Variants in ZNF69 observed in about 807,000 individuals in gnomAD.
ZNF69 encodes ZNF3.
A neutral mutation model predicts 50.9 loss-of-function variants in ZNF69; 47 were observed. That is an observed-to-expected ratio of 0.92 (90% CI 0.73 to 1.18). ZNF69 has a LOEUF of 1.18. Among genes scored for constraint, ZNF69 ranks in the 50% most tolerant of loss-of-function variants. The pLI, the probability that ZNF69 is intolerant of heterozygous loss-of-function variation, is 0.00. For synonymous variants in ZNF69, 216 were observed against 223.1 expected (o/e 0.97, Z 0.29); for missense variants, 717 against 675.1 (o/e 1.06, Z -0.69).
At chr19:11,969,194 T>A in the ZNF69 span, among the ~76,000 whole-genome samples, 10 of 152,342 alleles carry the variant, frequency 6.6e-5, no homozygotes, top group African/African-American at 2.4e-4. Context: ...AGCCTCTGCC[T>A]TCTGGGTTCA....
the ZNF69 span, chr19:11,949,405 C>A: frequency 6.2e-7 from 1 of 1,613,442 alleles, no homozygotes; most frequent in Non-Finnish European, 8.5e-7. Context: ...TACCTCACAC[C>A]TTCGAGTGCA....
chr19:11,909,280 C>A (rs1972423406), downstream of ZNF69, among the ~76,000 whole-genome samples: 1 of 152,122 alleles, frequency 6.6e-6, no homozygotes, highest in Non-Finnish European at 1.5e-5. Flanking sequence ...TTAAACTATT[C>A]CAATCAATAG....
chr19:11,893,494 A>G (rs1977146115), intron 1 of ZNF69, among the ~76,000 whole-genome samples: 1 of 152,006 alleles, frequency 6.6e-6, no homozygotes, highest in African/African-American at 2.4e-5. Context: ...ACCACTAGAC[A>G]TTTTCCCGAA....
the ZNF69 span, among the ~76,000 whole-genome samples, chr19:11,955,246 G>A: frequency 4.0e-5 from 6 of 151,628 alleles, no homozygotes; most frequent in Admixed American, 3.9e-4. Context: ...CTTGTGATCC[G>A]CCCACCTCGG....
the ZNF69 span, among the ~76,000 whole-genome samples, chr19:11,955,971 AT>A: frequency 6.6e-6 from 1 of 152,206 alleles, no homozygotes; most frequent in African/African-American, 2.4e-5. Flanking sequence ...TATTGAGTTT[AT>A]GTGAACACAA....
the ZNF69 span, among the ~76,000 whole-genome samples, chr19:11,957,267 A>G: frequency 6.7e-6 from 1 of 150,012 alleles, no homozygotes; most frequent in Non-Finnish European, 1.5e-5. Context: ...AATTTTTTCT[A>G]TTTTTTTTAG....
the ZNF69 span, among the ~76,000 whole-genome samples, chr19:11,932,177 C>T: frequency 6.9e-6 from 1 of 145,926 alleles, no homozygotes; most frequent in African/African-American, 2.7e-5. Flanking sequence ...ACATGGCAAA[C>T]CTTGTCTATA....
chr19:11,978,408 C>T, the ZNF69 span: 1,266 of 1,614,140 alleles, frequency 7.8e-4, 1 homozygote, highest in Admixed American at 7.5e-4. Flanking sequence ...CTTTAGAACA[C>T]AAGAAAGGAA....
the ZNF69 span, among the ~76,000 whole-genome samples, chr19:11,935,776 A>G: frequency 1.3e-5 from 2 of 152,212 alleles, no homozygotes; most frequent in South Asian, 2.1e-4. Flanking sequence ...ATACATAGGT[A>G]TAACATGTGC....
downstream of ZNF69, among the ~76,000 whole-genome samples, chr19:11,908,637 C>A (rs189744443): frequency 6.6e-6 from 1 of 152,194 alleles, no homozygotes; most frequent in Non-Finnish European, 1.5e-5. Flanking sequence ...AACAAAGACA[C>A]AACATACCAG....
At chr19:11,944,086 C>T in the ZNF69 span, among the ~76,000 whole-genome samples, 1 of 152,168 alleles carries the variant, frequency 6.6e-6, no homozygotes, top group African/African-American at 2.4e-5. Flanking sequence ...TTGATCCACA[C>T]TCTATTACCT....
In ZNF69 at chr19:11,905,634, G is replaced by A; in HGVS notation, c.1237G>A (p.Glu413Lys). The A allele has an allele frequency of 6.2e-7, 1 of 1,614,074 alleles. No individual in the cohort carries two copies. The highest frequency in any genetic ancestry group is 8.5e-7 in the Non-Finnish European group (1 of 1,180,006). ...LRYHERIHTG[E>K]KPYECKQCGK... Reference sequence around the variant, plus strand: ...TTATCATGAAAGGATTCACACTGGAGAGAAACCCTATGAGTGTAAGCAATG... The same window carrying A: ...TTATCATGAAAGGATTCACACTGGAAAGAAACCCTATGAGTGTAAGCAATG... The change falls in exon 4 of 4, where the codon GAG becomes AAG. Residue 413 changes from glutamate (E) to lysine (K), a missense_variant. Glu to Lys is a moderately conservative substitution (Grantham distance 56). Transcript: ENST00000429654.
chr19:11,934,188 T>TA, the ZNF69 span, among the ~76,000 whole-genome samples: 844 of 147,748 alleles, frequency 5.7e-3, 102 homozygotes, highest in African/African-American at 0.018. Context: ...TATTTTTTTT[T>TA]AAAAAAAGAC....
At chr19:11,978,219 G>A in the ZNF69 span, 2 of 1,614,030 alleles carry the variant, frequency 1.2e-6, no homozygotes, top group African/African-American at 1.3e-5. Context: ...GGAGAAGAAA[G>A]CTTCTCCTGA....
exon 5 of ZNF69, chr19:11,913,409 A>G (rs765663853): frequency 1.8e-6 from 1 of 571,038 alleles, no homozygotes; most frequent in African/African-American, 2.1e-5. Context: ...TTTTTTCCAG[A>G]AAAAAATCTC....
Position 11,905,747 on chromosome 19 carries a change from G to T in ZNF69, c.1350G>T (p.Gly450=). 1 of 1,613,054 alleles carries T rather than the reference G, an allele frequency of 6.2e-7. No individual in the cohort carries two copies. Among genetic ancestry groups the T allele is most frequent in the South Asian group, 1.1e-5 (1 of 91,034 alleles). ...GEKPYECQEC[G]KAFRSMKNLQ... is the part of the protein sequence containing the mutation. The stretch of plus-strand genomic sequence containing the variant: ...AGCCCTATGAATGTCAGGAATGTGG[G>T]AAAGCCTTCAGATCTATGAAGAACC... Residue 450 remains glycine, a synonymous_variant, in exon 4 of 4, where the codon GGG becomes GGT. Transcript: ENST00000429654.
chr19:11,888,272 C>A (rs1189617907), intron 1 of ZNF69, among the ~76,000 whole-genome samples: 1 of 152,212 alleles, frequency 6.6e-6, no homozygotes, highest in Non-Finnish European at 1.5e-5. Flanking sequence ...GTGCGGGGGC[C>A]ACGGGAGGGT....
rs773478895 is a variant in ZNF69 at position 11,905,728 on chromosome 19, A to G, written c.1331A>G (p.Tyr444Cys). The G allele has an allele frequency of 2.0e-5, 32 of 1,613,728 alleles. No individual in the cohort carries two copies. The highest frequency in any genetic ancestry group is 3.3e-4 in the Middle Eastern group (2 of 6,080). ...HGRTHTGEKP[Y>C]ECQECGKAFR... is the part of the protein sequence containing the mutation. Reference sequence around the variant, plus strand: ...AGGACTCACACTGGAGAGAAGCCCTATGAATGTCAGGAATGTGGGAAAGCC... The same window carrying G: ...AGGACTCACACTGGAGAGAAGCCCTGTGAATGTCAGGAATGTGGGAAAGCC... Residue 444 changes from tyrosine to cysteine, a missense_variant, in exon 4 of 4, where the codon TAT (tyrosine) becomes TGT (cysteine). Coordinates refer to ENST00000429654, the MANE Select transcript of ZNF69 (RefSeq NM_001364730.1).
the ZNF69 span, among the ~76,000 whole-genome samples, chr19:11,952,331 A>C: frequency 3.9e-5 from 6 of 152,354 alleles, no homozygotes; most frequent in Non-Finnish European, 7.3e-5. Flanking sequence ...ATACAAATTC[A>C]TTTATGCCTT....
Sources: allele counts gnomAD v4.1 joint callset (sites outside exome capture counted in the v4.1 genomes callset), GRCh38; gene constraint gnomAD v4.1.1; transcripts MANE v1.5; gene names NCBI Gene and HGNC (gene_info 2026-07-23, HGNC 2026-07-21).